Variants in TSGA10 observed in about 807,000 individuals in gnomAD.
TSGA10 encodes the protein testis specific 10, also known as testis-specific gene 10 protein.
TSGA10 carries 43 observed loss-of-function variants against 96.6 expected under a neutral mutation model. That is an observed-to-expected ratio of 0.44 (90% CI 0.35 to 0.57). TSGA10 has a LOEUF of 0.57. Among genes scored for constraint, TSGA10 ranks in the 20% least tolerant of loss-of-function variants. The probability of loss-of-function intolerance (pLI) is 0.01; values close to 1 mark genes in which losing one functional copy is unlikely to be tolerated. For synonymous variants in TSGA10, 229 were observed against 269.9 expected (o/e 0.85, Z 1.48); for missense variants, 703 against 834.4 (o/e 0.84, Z 1.94).
At chr2:99,119,225 C>T (rs1431852500) in intron 2 of TSGA10, among the ~76,000 whole-genome samples, 1 of 152,036 alleles carries the variant, frequency 6.6e-6, no homozygotes, top group African/African-American at 2.4e-5. Context: ...TGCTACAATG[C>T]CATTTATTGT....
intron 7 of TSGA10, among the ~76,000 whole-genome samples, chr2:99,107,225 T>A (rs1381936404): frequency 6.6e-6 from 1 of 152,188 alleles, no homozygotes. Context: ...TCTGTCCCTA[T>A]ATTTATCTCC....
At chr2:99,030,074 C>T (rs768189166) in intron 17 of TSGA10, among the ~76,000 whole-genome samples, 4 of 152,208 alleles carry the variant, frequency 2.6e-5, no homozygotes, top group Admixed American at 2.6e-4. Context: ...TGGCTGGGCA[C>T]GGTGGCTCAT....
chr2:99,009,550 T>G (rs2078822549), intron 20 of TSGA10, among the ~76,000 whole-genome samples: 1 of 117,950 alleles, frequency 8.5e-6, no homozygotes, highest in Non-Finnish European at 1.6e-5. Flanking sequence ...CCAGCCTGGG[T>G]GACAGAGCGA....
intron 17 of TSGA10, among the ~76,000 whole-genome samples, chr2:99,026,465 G>A (rs1297836869): frequency 6.6e-6 from 1 of 151,688 alleles, no homozygotes; most frequent in Non-Finnish European, 1.5e-5. Flanking sequence ...TGCCACCCAG[G>A]CTGGAGTGCA....
intron 4 of TSGA10, among the ~76,000 whole-genome samples, chr2:99,111,309 T>C (rs1654448698): frequency 6.6e-6 from 1 of 152,150 alleles, no homozygotes; most frequent in South Asian, 2.1e-4. Context: ...TGAACTCAAC[T>C]GCTTAGTTCA....
intron 7 of TSGA10, 127 bp downstream of exon 7, chr2:99,108,706 A>C: frequency 1.6e-6 from 1 of 627,348 alleles, no homozygotes; most frequent in South Asian, 3.6e-5. Flanking sequence ...TTAAAAACAT[A>C]TGTAATCCCC....
chr2:99,013,674 C>A (rs1203039342), intron 20 of TSGA10, among the ~76,000 whole-genome samples: 1 of 151,080 alleles, frequency 6.6e-6, no homozygotes, highest in Non-Finnish European at 1.5e-5. Context: ...CTGGAAATTA[C>A]CTCCAAAAGG....
intron 16 of TSGA10, among the ~76,000 whole-genome samples, chr2:99,055,161 G>T (rs1325037456): frequency 6.6e-6 from 1 of 152,168 alleles, no homozygotes; most frequent in Non-Finnish European, 1.5e-5. Context: ...GATATACAAT[G>T]AAATACTATT....
intron 1 of TSGA10, among the ~76,000 whole-genome samples, chr2:99,140,209 T>C (rs921212916): frequency 2.0e-5 from 3 of 152,230 alleles, no homozygotes; most frequent in African/African-American, 7.2e-5. Context: ...AGAGTTTGGC[T>C]CATTAATCAA....
At chr2:99,141,294 G>A (rs1574734862) in intron 1 of TSGA10, 11 of 497,632 alleles carry the variant, frequency 2.2e-5, no homozygotes, top group Non-Finnish European at 2.7e-5. Flanking sequence ...GGAGGAGGGG[G>A]CGGTTAGCGC....
At chr2:99,038,570 T>C (rs2081889120) in intron 16 of TSGA10, among the ~76,000 whole-genome samples, 1 of 152,182 alleles carries the variant, frequency 6.6e-6, no homozygotes. Context: ...AGGGACATTA[T>C]ATAATGATAA....
intron 16 of TSGA10, among the ~76,000 whole-genome samples, chr2:99,059,913 CAAAA>C (rs35460548): frequency 1.8e-5 from 1 of 54,450 alleles, no homozygotes. Flanking sequence ...GACCCCATCT[CAAAA>C]AAAAAAAAAA....
chr2:99,149,594 C>T lies in TSGA10; in HGVS notation c.-621+5099G>A, dbSNP rs1358102505. On this transcript the variant is annotated intron_variant, in intron 1 of 20. Coordinates refer to ENST00000393483, the MANE Select transcript of TSGA10 (RefSeq NM_025244.4). ...AGTAGCTGGGACTACAGGTGCCCGC[C>T]ACCACGCCCGGCTAATTCTTGGTAT... Among the ~76,000 whole-genome samples, 5 of 151,390 alleles carry T rather than the reference C, an allele frequency of 3.3e-5. No individual in the cohort carries two copies. In the East Asian group the frequency reaches 9.8e-4, roughly 30 times the overall value.
intron 2 of TSGA10, chr2:99,126,196 G>A (rs1326772860): frequency 6.6e-6 from 1 of 152,554 alleles, no homozygotes; most frequent in African/African-American, 2.4e-5. Flanking sequence ...GAAAGTGTAG[G>A]CTCTTTACTT....
chr2:99,141,080 T>A, intron 1 of TSGA10: 1 of 1,282,676 alleles, frequency 7.8e-7, no homozygotes, highest in Non-Finnish European at 1.0e-6. Context: ...CCGCAGCTTC[T>A]ACCTGGAGCT....
At chr2:99,097,139 T>C (rs1225701046) in intron 10 of TSGA10, among the ~76,000 whole-genome samples, 2 of 152,162 alleles carry the variant, frequency 1.3e-5, no homozygotes, top group African/African-American at 4.8e-5. Flanking sequence ...TTTTTTAAAG[T>C]ATGGTTACAC....
At chr2:99,090,332 T>C (rs777815237) in intron 10 of TSGA10, among the ~76,000 whole-genome samples, 12 of 152,020 alleles carry the variant, frequency 7.9e-5, no homozygotes, top group Non-Finnish European at 1.2e-4. Context: ...AGAAAAACAA[T>C]TCTGGTAATA....
At chr2:99,115,877 TCAA>T (rs1391508775) in intron 4 of TSGA10, among the ~76,000 whole-genome samples, 3 of 152,234 alleles carry the variant, frequency 2.0e-5, no homozygotes, top group East Asian at 1.9e-4. Context: ...AAACTCTGTC[TCAA>T]CAACAACAAA....
intron 5 of TSGA10, 131 bp downstream of exon 5, chr2:99,110,719 G>A (rs955206964): frequency 5.6e-6 from 1 of 179,296 alleles, no homozygotes; most frequent in Non-Finnish European, 1.1e-5. Flanking sequence ...CCTAGCAGTT[G>A]GTGCAGATTT....
Sources: allele counts gnomAD v4.1 joint callset (sites outside exome capture counted in the v4.1 genomes callset), GRCh38; gene constraint gnomAD v4.1.1; transcripts MANE v1.5; gene names NCBI Gene and HGNC (gene_info 2026-07-23, HGNC 2026-07-21).